ZNF462: variants seen among roughly 807,000 people sequenced by gnomAD.
ZNF462 encodes zinc finger protein 462, also known as zinc finger PBX1-interacting protein.
Under a neutral mutation model 201.9 loss-of-function variants are expected in ZNF462, and 10 were observed. That is an observed-to-expected ratio of 0.05 (90% CI 0.03 to 0.08). ZNF462 has a LOEUF of 0.08. Ranked by LOEUF, ZNF462 falls within the 10% of genes least tolerant of loss-of-function variation. The pLI is 1.00. For missense variants in ZNF462, 2,523 were observed against 3,168.3 expected, an observed-to-expected ratio of 0.80 and a Z score of 4.89; for synonymous variants, 1,227 against 1,193.3, an observed-to-expected ratio of 1.03 and a Z score of -0.58.
chr9:106,998,358 A>G (rs1423315774), intron 10 of ZNF462, among the ~76,000 whole-genome samples: 1 of 152,196 alleles, frequency 6.6e-6, no homozygotes, highest in Non-Finnish European at 1.5e-5. Context: ...GTCTTCTATC[A>G]GACTGGGTTT....
chr9:106,932,447 G>C lies in ZNF462; in HGVS notation c.6014G>C (p.Gly2005Ala), dbSNP rs1208420964. ...GACAGAGTCCTGATGTCCATGCAGG[G>C]GCTGCGTTCTCATGAGAGGAGCCAC... ...NVPAVSAAVK[G>A]LRSHERSHLA... Residue 2005 changes from glycine (G) to alanine (A), a missense_variant and splice_region_variant, in exon 5 of 13, where the codon GGG becomes GCG. Gly to Ala is a moderately conservative substitution (Grantham distance 60). Transcript: ENST00000277225. This position sits in a 1 kb window ranked among gnomAD's most constrained non-coding sequence, Gnocchi z 6.8. 1 of 1,614,124 alleles carries C rather than the reference G, an allele frequency of 6.2e-7. No individual in the cohort carries two copies. Among genetic ancestry groups the C allele is most frequent in the African/African-American group, 1.3e-5 (1 of 74,936 alleles).
chr9:106,860,746 G>T (rs1322529961), upstream of ZNF462, among the ~76,000 whole-genome samples: 2 of 152,154 alleles, frequency 1.3e-5, no homozygotes, highest in African/African-American at 4.8e-5. This position sits in a 1 kb window ranked among gnomAD's most constrained non-coding sequence, Gnocchi z 7.1. Flanking sequence ...CGCTTCCTCC[G>T]GTTGCCACGA....
rs191726278 is a variant in ZNF462 at position 106,977,608 on chromosome 9, A to G, written c.6832+3335A>G. On this transcript the variant is annotated intron_variant, in intron 9 of 12. Transcript: ENST00000277225. This position sits in a 1 kb window ranked among gnomAD's most constrained non-coding sequence, Gnocchi z 4.6. ...TTATTTGCTTGTTACGTGCCACGCT[A>G]TGCTTGGTTCTTTGGGCAAAATGGG... is the stretch of plus-strand genomic sequence containing the variant. 1.3e-5 allele frequency among the ~76,000 whole-genome samples: 2 copies of G among 151,664 alleles called. No individual in the cohort carries two copies. Among genetic ancestry groups the G allele is most frequent in the Admixed American group, 6.5e-5 (1 of 15,290 alleles).
chr9:106,955,837 T>C (rs1432490295), intron 7 of ZNF462, among the ~76,000 whole-genome samples: 1 of 152,142 alleles, frequency 6.6e-6, no homozygotes. Context: ...ACTCCTTATC[T>C]TTGCAAGTTT....
rs553461327 is a variant in ZNF462, at chr9:106,973,548, G to A, written c.6696-589G>A. ...CAAGAAAGGGTCCCTGCCCATTAAA[G>A]TCTTGGCTTTATCGATTTTAATGAG... On this transcript the variant is annotated intron_variant, in intron 8 of 12. Coordinates refer to ENST00000277225, the MANE Select transcript of ZNF462 (RefSeq NM_021224.6). Among the ~76,000 whole-genome samples the A allele has an allele frequency of 2.0e-5, 3 of 152,292 alleles. No individual in the cohort carries two copies. The South Asian group carries it at 6.2e-4, about 32-fold the overall frequency.
At chr9:106,958,499 TC>T (rs1401707744) in intron 7 of ZNF462, among the ~76,000 whole-genome samples, 1 of 152,110 alleles carries the variant, frequency 6.6e-6, no homozygotes, top group East Asian at 1.9e-4. Context: ...GGAATCCCTT[TC>T]TCCACTTATT....
Position 106,925,452 on chromosome 9 carries a change from A to C in ZNF462, c.1540A>C (p.Asn514His), listed in dbSNP as rs370214258. 1.3e-5 allele frequency: 21 copies of C among 1,614,032 alleles called. No individual in the cohort carries two copies. The highest frequency in any genetic ancestry group is 1.8e-5 in the Non-Finnish European group (21 of 1,180,032). Residue 514 changes from asparagine (N) to histidine (H), a missense_variant, in exon 3 of 13, where the codon AAT (asparagine) becomes CAT (histidine). Asn to His is a moderately conservative substitution (Grantham distance 68, BLOSUM62 1). This residue lies in a region of ZNF462 where 383 missense variants were observed against 453.4 expected (regional missense o/e 0.84). Coordinates refer to ENST00000277225, the MANE Select transcript of ZNF462 (RefSeq NM_021224.6). The surrounding 1 kb of genome is among the most constrained non-coding windows in gnomAD (Gnocchi z 7.9). ...GAGTGAAAGCATTTCTTCCTCACTGAATGAAGGTGTGGTGTCTTATGAGAG... is the reference window on the plus strand; with the variant it reads ...GAGTGAAAGCATTTCTTCCTCACTGCATGAAGGTGTGGTGTCTTATGAGAG... ...SQSESISSSL[N>H]EGVVSYESSS...
In ZNF462 at chr9:106,930,486, G is replaced by A. The variant is rs958539481; in HGVS notation, c.5848-39G>A. The A allele has an allele frequency of 1.9e-6, 3 of 1,602,092 alleles. No individual in the cohort carries two copies. Among genetic ancestry groups the A allele is most frequent in the Non-Finnish European group, 1.7e-6 (2 of 1,171,008 alleles). The stretch of plus-strand genomic sequence containing the variant: ...AGAATAAATTCTGACAATTGAGGGA[G>A]GGCTCGGAGTACTGATGGCTACCAC... On this transcript the variant is annotated intron_variant, in intron 3 of 12. Coordinates refer to ENST00000277225, the MANE Select transcript of ZNF462 (RefSeq NM_021224.6). The surrounding 1 kb of genome is among the most constrained non-coding windows in gnomAD (Gnocchi z 5.8).
intron 1 of ZNF462, among the ~76,000 whole-genome samples, chr9:106,882,139 AAATTTAGCTGATCAACTT>A (rs1169475060): frequency 6.6e-6 from 1 of 152,174 alleles, no homozygotes; most frequent in Non-Finnish European, 1.5e-5. Context: ...TATTCAGTTA[AAATTTAGCTGATCAACTT>A]TGAAGGCCAA....
At position 107,006,003 on chromosome 9, in the gene ZNF462, A is replaced by G. The variant is rs1348521621; in HGVS notation, c.7189+2577A>G. Among the ~76,000 whole-genome samples the G allele has an allele frequency of 1.3e-5, 2 of 151,992 alleles. No individual in the cohort carries two copies. The highest frequency in any genetic ancestry group is 4.8e-5 in the African/African-American group (2 of 41,380). On this transcript the variant is annotated intron_variant, in intron 11 of 12. Transcript: ENST00000277225. The surrounding 1 kb of genome is among the most constrained non-coding windows in gnomAD (Gnocchi z 4.3). ...AAACCGATGGACTGTGAATGTGTGG[A>G]TTTATTTCTGGGCTCTCTATTCTGT...
chr9:106,998,203 G>A (rs191976509), intron 10 of ZNF462, among the ~76,000 whole-genome samples: 358 of 152,260 alleles, frequency 2.4e-3, no homozygotes, highest in African/African-American at 8.1e-3. Flanking sequence ...CAAATGTTAA[G>A]TAAGAGGGGC....
chr9:106,975,069 T>C (rs1309881930), intron 9 of ZNF462: 2 of 152,206 alleles, frequency 1.3e-5, no homozygotes, highest in African/African-American at 4.8e-5. Context: ...TTCCTCTGCA[T>C]TGGAAGGAAA....
At chr9:106,944,815 T>G (rs1411892452) in intron 7 of ZNF462, among the ~76,000 whole-genome samples, 1 of 152,232 alleles carries the variant, frequency 6.6e-6, no homozygotes, top group African/African-American at 2.4e-5. Flanking sequence ...TATTTGTCTT[T>G]CTGTGCCGGC....
intron 1 of ZNF462, among the ~76,000 whole-genome samples, chr9:106,899,971 T>C (rs1396877050): frequency 6.6e-6 from 1 of 152,056 alleles, no homozygotes; most frequent in African/African-American, 2.4e-5. Flanking sequence ...ACCATATTTG[T>C]AGTCTTTTAT....
Position 106,927,073 on chromosome 9 carries a change from C to G in ZNF462, c.3161C>G (p.Pro1054Arg), listed in dbSNP as rs1564106817. ...SVLVHYQKKHPEEKASYFRIQ... is the reference protein window; with the variant it reads ...SVLVHYQKKHREEKASYFRIQ... ...TTGGTTCATTATCAGAAGAAACACC[C>G]CGAAGAAAAGGCTTCCTACTTTAGG... is the stretch of plus-strand genomic sequence containing the variant. The change falls in exon 3 of 13, where the codon CCC becomes CGC. Residue 1054 changes from proline to arginine, a missense_variant. This residue lies in a region of ZNF462 where 280 missense variants were observed against 321.3 expected (regional missense o/e 0.87). Coordinates refer to ENST00000277225, the MANE Select transcript of ZNF462 (RefSeq NM_021224.6). 1.2e-6 allele frequency: 2 copies of G among 1,613,710 alleles called. No homozygotes were observed. The highest frequency in any genetic ancestry group is 2.2e-5 in the East Asian group (1 of 44,894).
Position 106,927,460 on chromosome 9 carries a change from G to C in ZNF462, c.3548G>C (p.Arg1183Thr), listed in dbSNP as rs140660287. The C allele has an allele frequency of 7.1e-5, 115 of 1,613,732 alleles. No individual in the cohort carries two copies. The highest frequency in any genetic ancestry group is 9.5e-5 in the Non-Finnish European group (112 of 1,180,002). ...CAGCTGAACCGAAGCAGCTCTGAGA[G>C]AGATGGCCCTCCTGTGGAGAATGAG... ...IQQLNRSSSE[R>T]DGPPVENEMF... is the part of the protein sequence containing the mutation. Residue 1183 changes from arginine (R) to threonine (T), a missense_variant, in exon 3 of 13, where the codon AGA becomes ACA. Transcript: ENST00000277225.
In ZNF462 at chr9:106,928,051, C is replaced by T. The variant is rs1830273285; in HGVS notation, c.4139C>T (p.Ser1380Phe). The T allele has an allele frequency of 6.2e-7, 1 of 1,614,158 alleles. No homozygotes were observed. Among genetic ancestry groups the T allele is most frequent in the Non-Finnish European group, 8.5e-7 (1 of 1,180,038 alleles). ...RCRDCVFEAV[S>F]IWDITNHYQA... is the part of the protein sequence containing the mutation. ...AGGGACTGTGTTTTCGAAGCTGTTT[C>T]CATCTGGGACATCACTAATCACTAC... The change falls in exon 3 of 13, where the codon TCC (serine) becomes TTC (phenylalanine). Residue 1380 changes from serine to phenylalanine, a missense_variant. Coordinates refer to ENST00000277225, the MANE Select transcript of ZNF462 (RefSeq NM_021224.6). This position sits in a 1 kb window ranked among gnomAD's most constrained non-coding sequence, Gnocchi z 9.3.
chr9:106,875,193 C>G (rs903868784), intron 1 of ZNF462, among the ~76,000 whole-genome samples: 1 of 152,140 alleles, frequency 6.6e-6, no homozygotes, highest in Non-Finnish European at 1.5e-5. Context: ...CATGATCTTT[C>G]CCCCATCTTA....
chr9:106,986,491 T>C (rs918158414), intron 10 of ZNF462, among the ~76,000 whole-genome samples: 1 of 152,200 alleles, frequency 6.6e-6, no homozygotes, highest in African/African-American at 2.4e-5. Flanking sequence ...TTAGAGTATT[T>C]GTTAATTGAA....
Sources: gnomAD v4.1 joint callset for allele counts (sites outside exome capture counted in the v4.1 genomes callset) on GRCh38, gnomAD v4.1.1 for gene constraint, gnomAD v4.1.1 regional missense constraint, Gnocchi (gnomAD v3.1) non-coding constraint, MANE v1.5 for transcripts, NCBI Gene and HGNC (gene_info 2026-07-23, HGNC 2026-07-21) for gene names.